The following NDST4 variants were observed in gnomAD, a reference collection of about 807,000 sequenced individuals.
NDST4 encodes the protein N-deacetylase and N-sulfotransferase 4.
A neutral mutation model predicts 100.8 loss-of-function variants in NDST4; 63 were observed. The ratio of observed to expected loss-of-function variants is 0.62; its 90% CI spans 0.51 to 0.77. The LOEUF (loss-of-function observed/expected upper bound fraction) is 0.77, where lower values mean the gene tolerates loss of function less well. Ranked by LOEUF, NDST4 falls within the 30% of genes least tolerant of loss-of-function variation. NDST4 has a pLI of 0.00. For missense variants in NDST4, 943 were observed against 1,018.4 expected, an observed-to-expected ratio of 0.93 and a Z score of 1.01; for synonymous variants, 377 against 361.8, an observed-to-expected ratio of 1.04 and a Z score of -0.48.
chr4:114,850,621 T>C (rs1723655497), intron 8 of NDST4, among the ~76,000 whole-genome samples: 1 of 152,220 alleles, frequency 6.6e-6, no homozygotes, highest in Non-Finnish European at 1.5e-5. Flanking sequence ...GAAAAAATCC[T>C]ATACTAATAG....
At chr4:114,853,815 A>T (rs1250979047) in intron 7 of NDST4, among the ~76,000 whole-genome samples, 1 of 151,890 alleles carries the variant, frequency 6.6e-6, no homozygotes, top group African/African-American at 2.4e-5. Context: ...TTAATTTTTA[A>T]TTTTTTAATT....
intron 2 of NDST4, among the ~76,000 whole-genome samples, chr4:115,030,411 T>C (rs2126269406): frequency 6.6e-6 from 1 of 152,130 alleles, no homozygotes; most frequent in East Asian, 1.9e-4. Flanking sequence ...AAAGAAATAA[T>C]AAGAGAAACT....
chr4:114,908,610 T>C (rs1390736041), intron 6 of NDST4, among the ~76,000 whole-genome samples: 1 of 152,278 alleles, frequency 6.6e-6, no homozygotes, highest in East Asian at 1.9e-4. Flanking sequence ...TTGGGTGGTT[T>C]GAATTATGAA....
intron 1 of NDST4, among the ~76,000 whole-genome samples, chr4:115,080,506 C>A (rs540424483): frequency 6.6e-6 from 1 of 152,006 alleles, no homozygotes; most frequent in Non-Finnish European, 1.5e-5. Context: ...TCCCTTTAAC[C>A]AAATTGGATT....
intron 1 of NDST4, among the ~76,000 whole-genome samples, chr4:115,081,498 T>C (rs964798173): frequency 1.3e-5 from 2 of 152,152 alleles, no homozygotes; most frequent in African/African-American, 2.4e-5. Flanking sequence ...GGAAAAGGCA[T>C]GCAGGAGTAT....
At chr4:114,979,737 C>T (rs759941895) in intron 2 of NDST4, among the ~76,000 whole-genome samples, 1 of 151,502 alleles carries the variant, frequency 6.6e-6, no homozygotes, top group African/African-American at 2.4e-5. Context: ...AAGAACTTAA[C>T]AGACCTTTTC....
At position 115,057,226 on chromosome 4, in the gene NDST4, CT is replaced by C. The variant is rs1728714401; in HGVS notation, c.978+18832del. On this transcript the variant is annotated intron_variant, in intron 2 of 13. Transcript: ENST00000264363. ...TAGTCTGCCTGTAGAAGTGCAAAGA[CT>C]GGAAAGGAAGAGAAGATAGCTAAAC... 2.6e-5 allele frequency among the ~76,000 whole-genome samples: 4 copies of C among 152,116 alleles called. No homozygotes were observed. The South Asian group carries it at 8.3e-4, about 32-fold the overall frequency.
rs1266022254 is a variant in NDST4, at chr4:114,827,907, C to T, written c.2528G>A (p.Arg843Gln). The T allele has an allele frequency of 5.0e-6, 8 of 1,606,638 alleles. No individual in the cohort carries two copies. The highest frequency in any genetic ancestry group is 5.9e-6 in the Non-Finnish European group (7 of 1,177,510). ...ESRTFLSNYY[R>Q]DHNVELSKLL... is the part of the protein sequence containing the mutation. ...TTTGGATAGTTCCACATTATGATCTCGGTAGTAATTAGAGAGGAACGTTCT... is the reference window on the plus strand; with the variant it reads ...TTTGGATAGTTCCACATTATGATCTTGGTAGTAATTAGAGAGGAACGTTCT... Residue 843 changes from arginine (R) to glutamine (Q), a missense_variant, in exon 14 of 14, where the codon CGA becomes CAA. Physicochemically the swap from Arg to Gln is conservative, Grantham distance 43. Around this residue, in one of 2 missense-constraint regions of NDST4, gnomAD observed 526 missense variants for 634.1 expected, o/e 0.83. Coordinates refer to ENST00000264363, the MANE Select transcript of NDST4 (RefSeq NM_022569.3).
chr4:115,050,367 C>T lies in NDST4; in HGVS notation c.978+25692G>A, dbSNP rs1349058085. Among the ~76,000 whole-genome samples, 3 of 151,870 alleles carry T rather than the reference C, an allele frequency of 2.0e-5. No homozygotes were observed. The East Asian group carries it at 5.8e-4, about 29-fold the overall frequency. ...CTATATAATCAATCATAAATTATAC[C>T]TGCCTCCTTGCCAAGTACTGCTTTG... is the stretch of plus-strand genomic sequence containing the variant. On this transcript the variant is annotated intron_variant, in intron 2 of 13. Coordinates refer to ENST00000264363, the MANE Select transcript of NDST4 (RefSeq NM_022569.3).
chr4:114,927,350 A>T (rs1036714205), intron 6 of NDST4, among the ~76,000 whole-genome samples: 2 of 152,006 alleles, frequency 1.3e-5, no homozygotes, highest in African/African-American at 2.4e-5. Flanking sequence ...TAGATTTCGC[A>T]TTTCTACAAA....
In NDST4 at chr4:115,021,223, T is replaced by TATTCCACATATATATAA. The variant is rs1327890555; in HGVS notation, c.979-43950_979-43949insTTATATATATGTGGAAT. 6.6e-3 allele frequency among the ~76,000 whole-genome samples: 809 copies of TATTCCACATATATATAA among 123,432 alleles called. 10 individuals are homozygous for TATTCCACATATATATAA. The highest frequency in any genetic ancestry group is 0.037 in the African/African-American group (776 of 20,754). The allele number at this position is 123,432 out of a possible 152,430, so 81.0% of individuals were successfully genotyped here. Reference sequence around the variant, plus strand: ...TATATATATTCCATATATATATATATTCCACATATATATATTCCACATATA... The same window carrying TATTCCACATATATATAA: ...TATATATATTCCATATATATATATATATTCCACATATATATAATCCACATATATATATTCCACATATA... On this transcript the variant is annotated intron_variant, in intron 2 of 13. Transcript: ENST00000264363.
intron 6 of NDST4, among the ~76,000 whole-genome samples, chr4:114,923,430 G>C (rs1725327342): frequency 6.6e-6 from 1 of 152,038 alleles, no homozygotes; most frequent in African/African-American, 2.4e-5. Context: ...GAAATATTTA[G>C]GTGTTATAAA....
chr4:114,953,146 T>C (rs183422727), intron 4 of NDST4, among the ~76,000 whole-genome samples: 131 of 152,106 alleles, frequency 8.6e-4, no homozygotes, highest in African/African-American at 3.1e-3. Context: ...GTGAGTTCTT[T>C]GTGTGACTAT....
chr4:115,099,907 C>T lies in NDST4; in HGVS notation c.-247+13537G>A, dbSNP rs185816531. On this transcript the variant is annotated intron_variant, in intron 1 of 13. Transcript: ENST00000264363. The stretch of plus-strand genomic sequence containing the variant: ...TATAGATGCCAAGGCTTGGAAGCTA[C>T]CAAACTGTCCATCAAAAAGTGAATG... Among the ~76,000 whole-genome samples, 7 of 152,202 alleles carry T rather than the reference C, an allele frequency of 4.6e-5. No individual in the cohort carries two copies. In the East Asian group the frequency reaches 1.4e-3, roughly 29 times the overall value.
At chr4:115,095,384 TTTC>T (rs1287177392) in intron 1 of NDST4, among the ~76,000 whole-genome samples, 1 of 152,128 alleles carries the variant, frequency 6.6e-6, no homozygotes, top group Non-Finnish European at 1.5e-5. Flanking sequence ...CTCCAAAGGT[TTTC>T]TTCATCTTCC....
intron 3 of NDST4, among the ~76,000 whole-genome samples, chr4:114,973,783 A>C (rs374390350): frequency 2.0e-5 from 3 of 151,770 alleles, no homozygotes; most frequent in Non-Finnish European, 4.4e-5. Flanking sequence ...CTTTTGTAAA[A>C]ATTTCTACCT....
At position 114,845,938 on chromosome 4, in the gene NDST4, C is replaced by T. The variant is rs199530864; in HGVS notation, c.2000G>A (p.Ser667Asn). Residue 667 changes from serine (S) to asparagine (N), a missense_variant, in exon 10 of 14, where the codon AGT becomes AAT. Coordinates refer to ENST00000264363, the MANE Select transcript of NDST4 (RefSeq NM_022569.3). ...TTCTTCCGAATGGAAGTAATTAGCACTCTTTTCAAACAGAAAGTCACTTGT... is the reference window on the plus strand; with the variant it reads ...TTCTTCCGAATGGAAGTAATTAGCATTCTTTTCAAACAGAAAGTCACTTGT... ...NTTSDFLFEK[S>N]ANYFHSEEAP... is the part of the protein sequence containing the mutation. The T allele has an allele frequency of 1.9e-6, 3 of 1,613,802 alleles. No individual in the cohort carries two copies. In the African/African-American group the frequency reaches 4.0e-5, roughly 22 times the overall value.
chr4:114,847,137 GA>G (rs1723566681), intron 9 of NDST4, among the ~76,000 whole-genome samples: 1 of 131,274 alleles, frequency 7.6e-6, no homozygotes, highest in Admixed American at 6.9e-5. Flanking sequence ...AGCACTTTGG[GA>G]GGCCGAGGCG....
chr4:114,997,141 C>A (rs1338753227), intron 2 of NDST4, among the ~76,000 whole-genome samples: 1 of 152,034 alleles, frequency 6.6e-6, no homozygotes, highest in Non-Finnish European at 1.5e-5. Flanking sequence ...GATTCATTTT[C>A]TAACTTCGGA....
Sources: gnomAD v4.1 joint callset for allele counts (sites outside exome capture counted in the v4.1 genomes callset) on GRCh38, gnomAD v4.1.1 for gene constraint, gnomAD v4.1.1 regional missense constraint, MANE v1.5 for transcripts, NCBI Gene and HGNC (gene_info 2026-07-23, HGNC 2026-07-21) for gene names.